The following TM4SF4 variants were observed in gnomAD, a reference collection of about 807,000 sequenced individuals.
TM4SF4 encodes transmembrane 4 L6 family member 4.
A neutral mutation model predicts 24.1 loss-of-function variants in TM4SF4; 24 were observed. That is an observed-to-expected ratio of 1.00 (90% CI 0.72 to 1.40). TM4SF4 has a LOEUF of 1.40. Among genes scored for constraint, TM4SF4 ranks in the 40% most tolerant of loss-of-function variants. The pLI, the probability that TM4SF4 is intolerant of heterozygous loss-of-function variation, is 0.00. For missense variants in TM4SF4, 254 were observed against 254.2 expected (o/e 1.00, Z 0.01); for synonymous variants, 113 against 97.0 (o/e 1.17, Z -0.97).
At position 149,486,646 on chromosome 3, in the gene TM4SF4, C is replaced by A. The variant is rs562008584; in HGVS notation, c.265-973C>A. Among the ~76,000 whole-genome samples the A allele has an allele frequency of 2.3e-3, 348 of 152,158 alleles. 2 individuals carry two copies. The highest frequency in any genetic ancestry group is 7.9e-3 in the African/African-American group (326 of 41,522). ...ATAATTGAAAACAAAATATGGTAGT[C>A]TAATCTGTTTTTCATTAATCTCCAT... On this transcript the variant is annotated intron_variant, in intron 2 of 4. Coordinates refer to ENST00000305354, the MANE Select transcript of TM4SF4 (RefSeq NM_004617.4).
At chr3:149,481,704 C>T (rs1193871023) in intron 2 of TM4SF4, among the ~76,000 whole-genome samples, 6 of 152,148 alleles carry the variant, frequency 3.9e-5, no homozygotes, top group Non-Finnish European at 2.9e-5. Context: ...ACCTGTCTGT[C>T]TCCAGAGCCC....
chr3:149,487,309 T>A (rs1281973642), intron 2 of TM4SF4, among the ~76,000 whole-genome samples: 2 of 152,126 alleles, frequency 1.3e-5, no homozygotes, highest in Non-Finnish European at 2.9e-5. Context: ...ATAGATTGGC[T>A]TTATATATCA....
chr3:149,482,880 G>A (rs1734059412), intron 2 of TM4SF4, among the ~76,000 whole-genome samples: 1 of 152,210 alleles, frequency 6.6e-6, no homozygotes, highest in African/African-American at 2.4e-5. Context: ...TGAAACCCAT[G>A]ATAAATTGAA....
chr3:149,498,585 T>G, intron 3 of TM4SF4, 137 bp from the exon 4 acceptor site: 1 of 728,094 alleles, frequency 1.4e-6, no homozygotes, highest in African/African-American at 1.8e-5. Context: ...ATTTAAATTG[T>G]TAGTACAGAG....
Position 149,487,635 on chromosome 3 carries a change from T to C in TM4SF4, c.281T>C (p.Ile94Thr), listed in dbSNP as rs758026137. 3 of 1,613,920 alleles carry C rather than the reference T, an allele frequency of 1.9e-6. No homozygotes were observed. Among genetic ancestry groups the C allele is most frequent in the Middle Eastern group, 1.6e-4 (1 of 6,084 alleles). ...GKRFAMFTST[I>T]FAVVGFLGAG... is the part of the protein sequence containing the mutation. ...CTCTTTCAGATGTTCACCTCCACGA[T>C]ATTTGCTGTGGTTGGATTCTTGGGA... is the stretch of plus-strand genomic sequence containing the variant. Residue 94 changes from isoleucine (I) to threonine (T), a missense_variant, in exon 3 of 5, where the codon ATA (isoleucine) becomes ACA (threonine). By Grantham distance (89) the Ile-to-Thr change is moderately conservative. Transcript: ENST00000305354.
chr3:149,490,050 G>C (rs994826016), intron 3 of TM4SF4, among the ~76,000 whole-genome samples: 2 of 151,936 alleles, frequency 1.3e-5, no homozygotes, highest in South Asian at 4.2e-4. Flanking sequence ...TGATTTATAG[G>C]CTATTTAAGA....
chr3:149,499,403 G>A (rs71304473), intron 4 of TM4SF4, among the ~76,000 whole-genome samples: 43,202 of 151,738 alleles, frequency 0.28, 6,541 homozygotes, highest in Middle Eastern at 0.36. Context: ...TTCTTATATG[G>A]GAAGAAAAAA....
At chr3:149,492,455 T>C (rs1031718783) in intron 3 of TM4SF4, among the ~76,000 whole-genome samples, 4 of 152,046 alleles carry the variant, frequency 2.6e-5, no homozygotes, top group Non-Finnish European at 5.9e-5. Context: ...TCCTTTGAAG[T>C]AGAACCTCCT....
intron 3 of TM4SF4, chr3:149,495,235 G>A (rs961024520): frequency 5.0e-6 from 1 of 200,628 alleles, no homozygotes; most frequent in African/African-American, 2.4e-5. Context: ...TTGGAATGGT[G>A]ACAATATGCT....
chr3:149,476,802 G>GTT, intron 2 of TM4SF4, among the ~76,000 whole-genome samples: 1 of 51,640 alleles, frequency 1.9e-5, no homozygotes, highest in Non-Finnish European at 5.9e-5. Context: ...GTTTTTTTTT[G>GTT]TTTTTGTTTT....
chr3:149,499,609 A>G (rs1485167270), intron 4 of TM4SF4, among the ~76,000 whole-genome samples: 1 of 152,180 alleles, frequency 6.6e-6, no homozygotes, highest in Non-Finnish European at 1.5e-5. Context: ...AAAAAATAAA[A>G]CTTGAGGGTT....
At position 149,475,929 on chromosome 3, in the gene TM4SF4, G is replaced by C. The variant is rs1733920985; in HGVS notation, c.264+17G>C. The stretch of plus-strand genomic sequence containing the variant: ...CGATTTGCGGTGAGTTACCATGGGG[G>C]GCAGCTACTAGAATTACTCCAGGGT... On this transcript the variant is annotated intron_variant, in intron 2 of 4. Transcript: ENST00000305354. The C allele has an allele frequency of 6.2e-7, 1 of 1,600,678 alleles. No individual in the cohort carries two copies.
Position 149,502,600 on chromosome 3 carries a change from G to A in TM4SF4, c.592-76G>A, listed in dbSNP as rs117477338. On this transcript the variant is annotated intron_variant, in intron 4 of 4. Transcript: ENST00000305354. ...GAGCCAGGAGGAAGGCAGGTGATGGGGATGGGAAGGAGGGGAAAAGCAAAA... is the reference window on the plus strand; with the variant it reads ...GAGCCAGGAGGAAGGCAGGTGATGGAGATGGGAAGGAGGGGAAAAGCAAAA... 9.7e-4 allele frequency: 920 copies of A among 952,020 alleles called. 11 individuals carry two copies. The East Asian group carries it at 0.021, about 22-fold the overall frequency. The allele number at this position is 952,020 out of a possible 1,614,324, so 59.0% of individuals were successfully genotyped here. A position where few individuals can be genotyped will look rare whatever the true frequency, so the allele number is the denominator to read the frequency against.
chr3:149,475,435 A>T (rs1733911163), intron 1 of TM4SF4, among the ~76,000 whole-genome samples: 1 of 152,218 alleles, frequency 6.6e-6, no homozygotes, highest in Non-Finnish European at 1.5e-5. Flanking sequence ...AGCTGTTGTC[A>T]GTGTGGTCGT....
In TM4SF4 at chr3:149,499,009, A is replaced by T. The variant is rs570171490; in HGVS notation, c.591+98A>T. 3.3e-5 allele frequency: 43 copies of T among 1,314,244 alleles called. No individual in the cohort carries two copies. The South Asian group carries it at 5.2e-4, about 16-fold the overall frequency. The allele number at this position is 1,314,244 out of a possible 1,614,324, so 81.4% of individuals were successfully genotyped here. A position where few individuals can be genotyped will look rare whatever the true frequency, so the allele number is the denominator to read the frequency against. ...AGGTCAGGCCACCAGCACTGAAGGA[A>T]TGAGGGGGTAAGTGTGGCCACCTGC... On this transcript the variant is annotated intron_variant, in intron 4 of 4. Transcript: ENST00000305354.
At chr3:149,478,530 G>A (rs1178589644) in intron 2 of TM4SF4, among the ~76,000 whole-genome samples, 1 of 152,160 alleles carries the variant, frequency 6.6e-6, no homozygotes, top group Non-Finnish European at 1.5e-5. Context: ...CCCAATATAG[G>A]TTGTCTGTGG....
At chr3:149,489,252 T>C (rs1734170097) in intron 3 of TM4SF4, among the ~76,000 whole-genome samples, 1 of 152,168 alleles carries the variant, frequency 6.6e-6, no homozygotes, top group African/African-American at 2.4e-5. Context: ...TTGAGGCTCT[T>C]CCCCTGACAG....
intron 3 of TM4SF4, among the ~76,000 whole-genome samples, chr3:149,489,546 C>G (rs980302795): frequency 2.0e-5 from 3 of 152,244 alleles, no homozygotes; most frequent in Non-Finnish European, 4.4e-5. Context: ...TCCCCTCACA[C>G]ACGCACGCCC....
intron 3 of TM4SF4, among the ~76,000 whole-genome samples, chr3:149,496,950 G>A (rs1243079977): frequency 6.6e-6 from 1 of 151,998 alleles, no homozygotes; most frequent in East Asian, 1.9e-4. Flanking sequence ...AAGGTGGGAG[G>A]ACTGACCTCA....
Sources: gnomAD v4.1 joint callset for allele counts (sites outside exome capture counted in the v4.1 genomes callset) on GRCh38, gnomAD v4.1.1 for gene constraint, MANE v1.5 for transcripts, NCBI Gene and HGNC (gene_info 2026-07-23, HGNC 2026-07-21) for gene names.